VPS8: variants seen among roughly 807,000 people sequenced by gnomAD.
VPS8 encodes vacuolar protein sorting-associated protein 8 homolog.
A neutral mutation model predicts 216.4 loss-of-function variants in VPS8; 129 were observed. The ratio of observed to expected loss-of-function variants is 0.60; its 90% CI spans 0.52 to 0.69. The LOEUF (loss-of-function observed/expected upper bound fraction) is 0.69. VPS8 is among the 30% of genes least tolerant of loss of function. The pLI, the probability that VPS8 is intolerant of heterozygous loss-of-function variation, is 0.00. For missense variants in VPS8, 1,531 were observed against 1,683.5 expected (o/e 0.91, Z 1.59); for synonymous variants, 571 against 565.4 (o/e 1.01, Z -0.14).
intron 21 of VPS8, among the ~76,000 whole-genome samples, chr3:184,884,792 G>A (rs1730914824): frequency 6.6e-6 from 1 of 152,164 alleles, no homozygotes; most frequent in Non-Finnish European, 1.5e-5. Context: ...GATAGGATTG[G>A]TAACAGCTTG....
At chr3:185,032,869 G>A (rs1467064709) in intron 46 of VPS8, among the ~76,000 whole-genome samples, 7 of 152,128 alleles carry the variant, frequency 4.6e-5, no homozygotes, top group Admixed American at 2.0e-4. Flanking sequence ...GGGTTTCACC[G>A]AGTTAGCCAG....
At chr3:184,932,042 C>G (rs1202478033) in intron 34 of VPS8, among the ~76,000 whole-genome samples, 2 of 152,122 alleles carry the variant, frequency 1.3e-5, no homozygotes, top group Non-Finnish European at 2.9e-5. Flanking sequence ...CTTTTGCTGA[C>G]TAGTTTTTCC....
intron 42 of VPS8, among the ~76,000 whole-genome samples, chr3:184,984,846 T>A (rs1332620316): frequency 6.6e-6 from 1 of 152,202 alleles, no homozygotes; most frequent in Non-Finnish European, 1.5e-5. Context: ...AACCACACAT[T>A]ATGATATGTA....
rs866610461 is a variant in VPS8 at position 184,993,982 on chromosome 3, G to A, written c.3586-1G>A. On this transcript the variant is annotated splice_acceptor_variant, in intron 42 of 47. Coordinates refer to ENST00000625842, the MANE Select transcript of VPS8 (RefSeq NM_001009921.3). LOFTEE classifies it high-confidence loss of function. The stretch of plus-strand genomic sequence containing the variant: ...ACAGAATTGTAATTTTTTCCGATTA[G>A]GATCCAGTTTATGGAAAAGGAAAAC... 2 of 1,548,478 alleles carry A rather than the reference G, an allele frequency of 1.3e-6. No individual in the cohort carries two copies. The highest frequency in any genetic ancestry group is 2.0e-5 in the Admixed American group (1 of 48,872).
chr3:184,855,850 T>C (rs1189763846), intron 14 of VPS8, 32 bp downstream of exon 14: 10 of 1,539,062 alleles, frequency 6.5e-6, no homozygotes, highest in African/African-American at 1.4e-5. Flanking sequence ...AGAAAGCCTC[T>C]TACAATTTTT....
At chr3:184,900,634 G>C (rs759061329) in intron 24 of VPS8, among the ~76,000 whole-genome samples, 2 of 152,096 alleles carry the variant, frequency 1.3e-5, no homozygotes, top group African/African-American at 4.8e-5. Flanking sequence ...AGAATAAAGC[G>C]TTTAAGAACC....
At chr3:184,984,323 C>A (rs1462509842) in intron 42 of VPS8, among the ~76,000 whole-genome samples, 1 of 131,902 alleles carries the variant, frequency 7.6e-6, no homozygotes, top group Admixed American at 7.8e-5. Context: ...GAGACAGTTT[C>A]ACTCTTGTTG....
At chr3:184,846,874 A>G (rs919503091) in intron 8 of VPS8, among the ~76,000 whole-genome samples, 2 of 152,258 alleles carry the variant, frequency 1.3e-5, no homozygotes, top group African/African-American at 4.8e-5. Context: ...CTGATGAAAT[A>G]AGGATCATGC....
At chr3:184,963,563 A>G (rs887441670) in intron 37 of VPS8, among the ~76,000 whole-genome samples, 1 of 152,052 alleles carries the variant, frequency 6.6e-6, no homozygotes, top group African/African-American at 2.4e-5. Context: ...CAATTTCTAG[A>G]TTTTTATGAC....
At chr3:184,940,735 C>G (rs1742533136) in intron 36 of VPS8, among the ~76,000 whole-genome samples, 1 of 152,080 alleles carries the variant, frequency 6.6e-6, no homozygotes, top group African/African-American at 2.4e-5. Context: ...TGTGTTTTTT[C>G]AACAGCTACT....
At chr3:184,921,901 A>G (rs769659046) in intron 29 of VPS8, among the ~76,000 whole-genome samples, 3 of 152,122 alleles carry the variant, frequency 2.0e-5, no homozygotes, top group Admixed American at 6.6e-5. Context: ...AGGGAAGACT[A>G]GATGTTGGAG....
At chr3:184,853,732 T>C (rs1374017316) in intron 11 of VPS8, 125 bp from the exon 12 acceptor site, 1 of 924,230 alleles carries the variant, frequency 1.1e-6, no homozygotes, top group East Asian at 2.6e-5. Context: ...TGCTGTCCTG[T>C]GGAGCTTGGA....
intron 45 of VPS8, among the ~76,000 whole-genome samples, chr3:185,019,263 G>A (rs926088313): frequency 2.0e-5 from 3 of 152,028 alleles, no homozygotes; most frequent in Non-Finnish European, 4.4e-5. Context: ...TTCAACCCAG[G>A]TTTGAGCCCC....
At chr3:184,856,367 A>G (rs1313424048) in intron 14 of VPS8, among the ~76,000 whole-genome samples, 1 of 152,242 alleles carries the variant, frequency 6.6e-6, no homozygotes, top group Non-Finnish European at 1.5e-5. Flanking sequence ...GACTAGAGAG[A>G]GTATTAATGG....
chr3:185,017,771 C>T (rs1205970743), intron 45 of VPS8, among the ~76,000 whole-genome samples: 1 of 152,136 alleles, frequency 6.6e-6, no homozygotes, highest in African/African-American at 2.4e-5. Flanking sequence ...GGGGGACAGA[C>T]ATTGTACGGG....
Position 184,924,880 on chromosome 3 carries a change from G to C in VPS8, c.2473G>C (p.Asp825His). 1 of 1,612,690 alleles carries C rather than the reference G, an allele frequency of 6.2e-7. No individual in the cohort carries two copies. The highest frequency in any genetic ancestry group is 8.5e-7 in the Non-Finnish European group (1 of 1,179,582). ...TCTTCAGGTTATGGTGGAGAATTCA[G>C]ACTTTACCCCCTCACAAGTAGGATG... ...ILLKVMVENS[D>H]FTPSQVGCLF... Residue 825 changes from aspartate to histidine, a missense_variant, in exon 30 of 48, where the codon GAC (aspartate) becomes CAC (histidine). Coordinates refer to ENST00000625842, the MANE Select transcript of VPS8 (RefSeq NM_001009921.3).
chr3:185,004,268 A>G (rs987837610), intron 45 of VPS8, among the ~76,000 whole-genome samples: 1 of 152,234 alleles, frequency 6.6e-6, no homozygotes, highest in African/African-American at 2.4e-5. Context: ...ACTCGTGGTT[A>G]GGAGCTGGAG....
intron 46 of VPS8, among the ~76,000 whole-genome samples, chr3:185,044,632 T>C (rs895405528): frequency 5.3e-5 from 8 of 152,082 alleles, no homozygotes; most frequent in African/African-American, 1.9e-4. Context: ...CACTGAGCCT[T>C]TCAGTCTGTC....
chr3:184,839,762 T>G lies in VPS8; in HGVS notation c.535+10T>G, dbSNP rs933669261. 3.1e-6 allele frequency: 5 copies of G among 1,590,350 alleles called. No individual in the cohort carries two copies. Among genetic ancestry groups the G allele is most frequent in the Admixed American group, 1.8e-5 (1 of 56,306 alleles). On this transcript the variant is annotated intron_variant, in intron 7 of 47. Transcript: ENST00000625842. Reference sequence around the variant, plus strand: ...TTGGCTTTAATATTTGGTAAATTTTTAAGTGCTTTCCTGCTTTTAAATATT... The same window carrying G: ...TTGGCTTTAATATTTGGTAAATTTTGAAGTGCTTTCCTGCTTTTAAATATT...
Sources: allele counts gnomAD v4.1 joint callset (sites outside exome capture counted in the v4.1 genomes callset), GRCh38; gene constraint gnomAD v4.1.1; transcripts MANE v1.5; gene names NCBI Gene and HGNC (gene_info 2026-07-23, HGNC 2026-07-21).